Variants in CEP112 observed in about 807,000 individuals in gnomAD.
CEP112 encodes centrosomal protein of 112 kDa.
CEP112 carries 127 observed loss-of-function variants against 153.0 expected under a neutral mutation model. The observed-to-expected ratio is 0.83, with a 90% confidence interval of 0.72 to 0.96. The LOEUF is 0.96. Among genes scored for constraint, CEP112 ranks in the 40% least tolerant of loss-of-function variants. The pLI, the probability that CEP112 is intolerant of heterozygous loss-of-function variation, is 0.00. For synonymous variants in CEP112, 358 were observed against 374.4 expected, an observed-to-expected ratio of 0.96 and a Z score of 0.51; for missense variants, 1,089 against 1,101.2, an observed-to-expected ratio of 0.99 and a Z score of 0.16.
At chr17:66,077,374 G>A (rs1411998589) in intron 8 of CEP112, among the ~76,000 whole-genome samples, 1 of 152,098 alleles carries the variant, frequency 6.6e-6, no homozygotes, top group African/African-American at 2.4e-5. Flanking sequence ...CAAAACTTCA[G>A]GAAAACATTG....
intron 20 of CEP112, among the ~76,000 whole-genome samples, chr17:65,858,242 T>C (rs1458810343): frequency 6.6e-6 from 1 of 152,182 alleles, no homozygotes; most frequent in Non-Finnish European, 1.5e-5. Context: ...ATTTTTCTCT[T>C]TCTCGCTTCT....
chr17:65,640,143 T>C (rs2143291476), intron 25 of CEP112, among the ~76,000 whole-genome samples: 1 of 102,822 alleles, frequency 9.7e-6, no homozygotes, highest in Admixed American at 1.0e-4. Context: ...CGACCATATA[T>C]ATATATATAT....
At chr17:65,674,461 G>A (rs915707229) in intron 24 of CEP112, among the ~76,000 whole-genome samples, 7 of 152,290 alleles carry the variant, frequency 4.6e-5, no homozygotes, top group Middle Eastern at 6.8e-3. Context: ...AGGCTGAGAA[G>A]CTGAACAAAT....
chr17:65,996,371 TCA>T (rs34340932), intron 17 of CEP112, among the ~76,000 whole-genome samples: 62,292 of 151,718 alleles, frequency 0.41, 14,221 homozygotes, highest in East Asian at 0.87. Context: ...TATTTATACT[TCA>T]GATTTCCATT....
chr17:66,004,446 G>A (rs1175530096), intron 17 of CEP112, among the ~76,000 whole-genome samples: 3 of 152,160 alleles, frequency 2.0e-5, no homozygotes, highest in Admixed American at 2.0e-4. Flanking sequence ...AGCCGAGATC[G>A]CACCACTGCA....
At chr17:65,996,172 C>G (rs890984651) in intron 17 of CEP112, among the ~76,000 whole-genome samples, 1 of 144,000 alleles carries the variant, frequency 6.9e-6, no homozygotes, top group South Asian at 2.2e-4. Flanking sequence ...GTGTGTAGTA[C>G]AATAAGTTAA....
intron 4 of CEP112, among the ~76,000 whole-genome samples, chr17:66,141,740 T>C (rs774707857): frequency 2.0e-5 from 3 of 152,206 alleles, no homozygotes; most frequent in African/African-American, 4.8e-5. Flanking sequence ...TGAAAAATAT[T>C]CTATTTTATG....
chr17:65,864,475 G>A (rs2058416970), intron 20 of CEP112, among the ~76,000 whole-genome samples: 2 of 152,002 alleles, frequency 1.3e-5, no homozygotes, highest in Non-Finnish European at 2.9e-5. Flanking sequence ...CTAATAACTG[G>A]AGCCCTGACG....
chr17:65,904,735 G>C (rs575606750), intron 19 of CEP112, among the ~76,000 whole-genome samples: 2 of 152,096 alleles, frequency 1.3e-5, no homozygotes, highest in Non-Finnish European at 2.9e-5. Context: ...GAACAGCAAG[G>C]AACTGGTACC....
intron 21 of CEP112, among the ~76,000 whole-genome samples, chr17:65,776,217 C>T (rs569118689): frequency 6.6e-6 from 1 of 152,224 alleles, no homozygotes; most frequent in Admixed American, 6.5e-5. Flanking sequence ...CTGTGCCTGA[C>T]CGGCATAGCT....
At chr17:65,835,670 T>A (rs2146166428) in intron 21 of CEP112, among the ~76,000 whole-genome samples, 1 of 152,278 alleles carries the variant, frequency 6.6e-6, no homozygotes, top group Middle Eastern at 3.4e-3. Context: ...AAATCAAAGC[T>A]GGGGTTATTC....
intron 18 of CEP112, among the ~76,000 whole-genome samples, chr17:65,954,436 T>C (rs964833300): frequency 4.6e-5 from 7 of 151,998 alleles, no homozygotes; most frequent in Non-Finnish European, 1.0e-4. Context: ...ATTCTGGTAA[T>C]ATGACAAAAC....
chr17:66,179,190 C>T (rs2072614088), intron 2 of CEP112, among the ~76,000 whole-genome samples: 1 of 151,946 alleles, frequency 6.6e-6, no homozygotes, highest in African/African-American at 2.4e-5. Flanking sequence ...TTTGTGGTTC[C>T]ACATAAATTT....
intron 26 of CEP112, 178 bp downstream of exon 26, chr17:65,636,946 G>T: frequency 1.7e-6 from 1 of 602,920 alleles, no homozygotes. Context: ...TACAGACTAA[G>T]CACTGGGATG....
chr17:65,995,342 T>C (rs1256904674), intron 17 of CEP112, among the ~76,000 whole-genome samples: 1 of 152,128 alleles, frequency 6.6e-6, no homozygotes, highest in Non-Finnish European at 1.5e-5. Context: ...GAAGTGCTCA[T>C]TTCAAAAAAA....
At chr17:66,111,262 T>G (rs1400333485) in intron 6 of CEP112, among the ~76,000 whole-genome samples, 1 of 152,184 alleles carries the variant, frequency 6.6e-6, no homozygotes, top group African/African-American at 2.4e-5. Context: ...TTGATAGGAA[T>G]GCAAATTAGT....
chr17:65,636,076 G>C, intron 26 of CEP112, 102 bp from the exon 27 acceptor site: 1 of 1,082,280 alleles, frequency 9.2e-7, no homozygotes, highest in Non-Finnish European at 1.4e-6. Context: ...GGTTGAAAAG[G>C]CTATTTGATA....
intron 21 of CEP112, among the ~76,000 whole-genome samples, chr17:65,755,937 T>C (rs1360749357): frequency 2.0e-5 from 3 of 152,166 alleles, no homozygotes; most frequent in Admixed American, 6.5e-5. Flanking sequence ...TCAGTTTATA[T>C]AGGGTGTGTG....
At chr17:65,973,408 T>C (rs537236199) in intron 17 of CEP112, among the ~76,000 whole-genome samples, 3 of 152,264 alleles carry the variant, frequency 2.0e-5, no homozygotes, top group South Asian at 4.1e-4. Flanking sequence ...AAAACTTAAT[T>C]ATAAGAAAAC....
Sources: allele counts gnomAD v4.1 joint callset (sites outside exome capture counted in the v4.1 genomes callset), GRCh38; gene constraint gnomAD v4.1.1; transcripts MANE v1.5; gene names NCBI Gene and HGNC (gene_info 2026-07-23, HGNC 2026-07-21).